ACOT11: variants seen among roughly 807,000 people sequenced by gnomAD.
The protein encoded by ACOT11 is acyl-CoA thioesterase 11.
In ACOT11, 69 loss-of-function variants were observed where a neutral mutation model predicts 77.5. That is an observed-to-expected ratio of 0.89 (90% CI 0.73 to 1.09). ACOT11 has a LOEUF of 1.09. ACOT11 is among the 50% of genes least tolerant of loss of function. The pLI is 0.00. For missense variants in ACOT11, 766 were observed against 813.7 expected, an observed-to-expected ratio of 0.94 and a Z score of 0.71; for synonymous variants, 279 against 313.0, an observed-to-expected ratio of 0.89 and a Z score of 1.15.
Position 54,609,338 on chromosome 1 carries a change from CTG to C in ACOT11, c.*228_*229del. On this transcript the variant is annotated 3_prime_UTR_variant, in exon 16 of 16. Transcript: ENST00000343744. Reference sequence around the variant, plus strand: ...GGGTAGCCTGTAGTAGACTCGGGTCCTGTCCACAGCCCTAGCTGCCAGCAATG... The same window carrying C: ...GGGTAGCCTGTAGTAGACTCGGGTCCTCCACAGCCCTAGCTGCCAGCAATG... The C allele has an allele frequency of 1.2e-6, 2 of 1,614,102 alleles. No homozygotes were observed. The highest frequency in any genetic ancestry group is 1.7e-6 in the Non-Finnish European group (2 of 1,179,962).
rs1422038061 is a variant in ACOT11, at chr1:54,585,893, G to A, written c.300G>A (p.Glu100=). ...CTTCCATGGATGACATCTATTTTGAGCACACCATTAGGTAAGTGGCCCCTC... is the reference window on the plus strand; with the variant it reads ...CTTCCATGGATGACATCTATTTTGAACACACCATTAGGTAAGTGGCCCCTC... The part of the protein sequence containing the change: ...VTASMDDIYF[E]HTISVGQVVN... Residue 100 remains glutamate (E), a synonymous_variant, in exon 3 of 16, where the codon GAG becomes GAA. Transcript: ENST00000343744. 9.3e-6 allele frequency: 15 copies of A among 1,614,082 alleles called. No individual in the cohort carries two copies. The highest frequency in any genetic ancestry group is 1.2e-5 in the Non-Finnish European group (14 of 1,179,982).
intron 15 of ACOT11, chr1:54,620,030 G>C: frequency 1.2e-6 from 2 of 1,611,688 alleles, no homozygotes; most frequent in Non-Finnish European, 1.7e-6. Flanking sequence ...CCAAGGGGCT[G>C]TTAGCGTCTG....
intron 13 of ACOT11, 77 bp downstream of exon 13, chr1:54,605,286 C>T: frequency 6.5e-7 from 1 of 1,534,482 alleles, no homozygotes; most frequent in Non-Finnish European, 8.7e-7. Flanking sequence ...TTCTGCGGGT[C>T]ATCCTCCATG....
At chr1:54,567,637 C>T (rs537802861) in intron 1 of ACOT11, among the ~76,000 whole-genome samples, 70 of 151,350 alleles carry the variant, frequency 4.6e-4, no homozygotes, top group African/African-American at 1.7e-3. Context: ...ACCAAGTCCC[C>T]TAGCCGCTCG....
chr1:54,612,605 C>T, downstream of ACOT11: 1 of 1,614,112 alleles, frequency 6.2e-7, no homozygotes, highest in Non-Finnish European at 8.5e-7. Flanking sequence ...TCTTCTCCAC[C>T]ATGGCTTGGG....
At chr1:54,587,277 G>T (rs1478891805) in intron 3 of ACOT11, among the ~76,000 whole-genome samples, 1 of 152,066 alleles carries the variant, frequency 6.6e-6, no homozygotes, top group African/African-American at 2.4e-5. Flanking sequence ...CACTTTGGGG[G>T]GCCTACGCGG....
intron 9 of ACOT11, 32 bp from the exon 10 acceptor site, chr1:54,602,637 T>C (rs1170572199): frequency 2.0e-6 from 3 of 1,487,016 alleles, no homozygotes; most frequent in Non-Finnish European, 2.7e-6. Flanking sequence ...AGGGTGGGGG[T>C]AGCTGGTTGC....
At chr1:54,585,809 G>T (rs749868909) in intron 2 of ACOT11, 26 bp from the exon 3 acceptor site, 2 of 1,613,596 alleles carry the variant, frequency 1.2e-6, no homozygotes, top group Non-Finnish European at 1.7e-6. Context: ...GGCTGCTAAT[G>T]TCTGGCTTTC....
intron 1 of ACOT11, among the ~76,000 whole-genome samples, chr1:54,579,594 T>C (rs1654232295): frequency 6.6e-6 from 1 of 152,194 alleles, no homozygotes. Context: ...TGGAATTTAG[T>C]CAGCTCCCTC....
At chr1:54,615,936 T>G in intron 15 of ACOT11, 2 of 1,436,294 alleles carry the variant, frequency 1.4e-6, no homozygotes, top group Non-Finnish European at 1.9e-6. Context: ...GGGCTGGACT[T>G]GCTTCCCAGT....
Position 54,609,603 on chromosome 1 carries a change from TCACGTGGGGGAAGACCTCAGC to T in ACOT11, c.*495_*515del, listed in dbSNP as rs1557668114. On this transcript the variant is annotated 3_prime_UTR_variant, in exon 16 of 16. Transcript: ENST00000343744. Reference sequence around the variant, plus strand: ...TCCTCAGGCCAGCCTGGTGCCACAGTCACGTGGGGGAAGACCTCAGCCACAGCTGTAAGCAGCTCTCTGCCA... The same window carrying T: ...TCCTCAGGCCAGCCTGGTGCCACAGTCACAGCTGTAAGCAGCTCTCTGCCA... The T allele has an allele frequency of 1.9e-6, 3 of 1,613,234 alleles. No homozygotes were observed. The highest frequency in any genetic ancestry group is 2.5e-6 in the Non-Finnish European group (3 of 1,180,022).
At chr1:54,556,793 G>A (rs1167452556) in intron 1 of ACOT11, among the ~76,000 whole-genome samples, 1 of 151,980 alleles carries the variant, frequency 6.6e-6, no homozygotes, top group Non-Finnish European at 1.5e-5. Flanking sequence ...TTGTTGGCAA[G>A]GCTCGTCTCG....
downstream of ACOT11, chr1:54,611,876 T>C: frequency 1.9e-6 from 2 of 1,050,808 alleles, no homozygotes; most frequent in South Asian, 3.1e-5. Context: ...CACCTGCCAC[T>C]TCTCCCTGAG....
intron 1 of ACOT11, among the ~76,000 whole-genome samples, chr1:54,555,784 G>A (rs1047661155): frequency 2.6e-5 from 4 of 151,202 alleles, no homozygotes; most frequent in East Asian, 1.9e-4. Context: ...TCACTCTGTC[G>A]CCTAGGTTGG....
intron 15 of ACOT11, among the ~76,000 whole-genome samples, 194 bp from the exon 16 acceptor site, chr1:54,608,763 G>C (rs1185805330): frequency 6.6e-6 from 1 of 152,112 alleles, no homozygotes; most frequent in African/African-American, 2.4e-5. Flanking sequence ...GGAAGGGTTG[G>C]GGGAGATCAG....
At position 54,609,261 on chromosome 1, in the gene ACOT11, TG is replaced by T; in HGVS notation, c.*152del. The T allele has an allele frequency of 6.2e-7, 1 of 1,600,550 alleles. No individual in the cohort carries two copies. The highest frequency in any genetic ancestry group is 1.1e-5 in the South Asian group (1 of 89,486). On this transcript the variant is annotated 3_prime_UTR_variant, in exon 16 of 16. Transcript: ENST00000343744. ...CTGAGGTCCGCTGGCCCACCACCCC[TG>T]GGTGCTCAGTTTCTACCAACATGAG...
chr1:54,555,789 G>A (rs1349437515), intron 1 of ACOT11, among the ~76,000 whole-genome samples: 1 of 151,880 alleles, frequency 6.6e-6, no homozygotes, highest in African/African-American at 2.4e-5. Flanking sequence ...CTGTCGCCTA[G>A]GTTGGAGTGC....
intron 1 of ACOT11, among the ~76,000 whole-genome samples, chr1:54,575,185 G>C (rs1240448141): frequency 6.6e-6 from 1 of 152,210 alleles, no homozygotes; most frequent in Admixed American, 6.5e-5. Flanking sequence ...GGCACCTTAG[G>C]CAGGACTTGA....
intron 12 of ACOT11, among the ~76,000 whole-genome samples, chr1:54,604,671 T>C (rs1644004159): frequency 1.3e-5 from 2 of 152,184 alleles, no homozygotes; most frequent in Admixed American, 1.3e-4. Context: ...TCAGGTCTGC[T>C]GCTGTCTGAC....
Sources: gnomAD v4.1 joint callset for allele counts (sites outside exome capture counted in the v4.1 genomes callset) on GRCh38, gnomAD v4.1.1 for gene constraint, MANE v1.5 for transcripts, NCBI Gene and HGNC (gene_info 2026-07-23, HGNC 2026-07-21) for gene names.